SLC9A2: variants seen among roughly 807,000 people sequenced by gnomAD.
SLC9A2 encodes sodium/hydrogen exchanger 2.
Under a neutral mutation model 71.7 loss-of-function variants are expected in SLC9A2, and 42 were observed. The observed-to-expected ratio is 0.59, with a 90% confidence interval of 0.46 to 0.76. SLC9A2 has a LOEUF of 0.76. Among genes scored for constraint, SLC9A2 ranks in the 30% least tolerant of loss-of-function variants. The pLI is 0.00. For synonymous variants in SLC9A2, 396 were observed against 392.5 expected (o/e 1.01, Z -0.10); for missense variants, 829 against 1,017.4 (o/e 0.81, Z 2.52).
intron 3 of SLC9A2, among the ~76,000 whole-genome samples, chr2:102,671,240 T>C (rs1193047472): frequency 6.6e-6 from 1 of 151,776 alleles, no homozygotes; most frequent in Admixed American, 6.6e-5. Flanking sequence ...GTACGTTACA[T>C]TGCCTTGACA....
intron 1 of SLC9A2, among the ~76,000 whole-genome samples, chr2:102,652,958 T>G (rs1169592525): frequency 6.6e-6 from 1 of 152,234 alleles, no homozygotes; most frequent in African/African-American, 2.4e-5. Context: ...GCATGCACAT[T>G]TGTAATGTTT....
intron 1 of SLC9A2, among the ~76,000 whole-genome samples, chr2:102,654,000 TG>T (rs1676884512): frequency 6.6e-6 from 1 of 152,046 alleles, no homozygotes; most frequent in South Asian, 2.1e-4. Context: ...GATGAGTAGG[TG>T]GGGCCTGGGC....
intron 1 of SLC9A2, among the ~76,000 whole-genome samples, chr2:102,628,564 T>C (rs960347434): frequency 6.6e-6 from 1 of 152,112 alleles, no homozygotes; most frequent in East Asian, 1.9e-4. Flanking sequence ...TTTCCTACTT[T>C]AATTGTATTG....
chr2:102,677,706 C>T (rs1677367493), intron 3 of SLC9A2, among the ~76,000 whole-genome samples: 1 of 152,168 alleles, frequency 6.6e-6, no homozygotes, highest in Non-Finnish European at 1.5e-5. Flanking sequence ...CTATGCTAAG[C>T]ATTGGCAACA....
chr2:102,631,478 T>A (rs112894332), intron 1 of SLC9A2, among the ~76,000 whole-genome samples: 3,166 of 152,168 alleles, frequency 0.021, 118 homozygotes, highest in African/African-American at 0.072. Flanking sequence ...TGGTTCACTG[T>A]GACTTCAAAT....
chr2:102,677,485 A>T (rs1677364036), intron 3 of SLC9A2, among the ~76,000 whole-genome samples: 1 of 152,192 alleles, frequency 6.6e-6, no homozygotes, highest in Admixed American at 6.5e-5. Context: ...AAGTGGGGCA[A>T]GATAATAACA....
intron 8 of SLC9A2, among the ~76,000 whole-genome samples, chr2:102,701,832 A>C (rs1298202031): frequency 1.3e-5 from 2 of 152,230 alleles, no homozygotes; most frequent in African/African-American, 4.8e-5. Context: ...AACTGTGTCA[A>C]GTGACTCAAA....
intron 11 of SLC9A2, among the ~76,000 whole-genome samples, chr2:102,706,959 T>G (rs921761417): frequency 6.6e-6 from 1 of 152,236 alleles, no homozygotes; most frequent in Non-Finnish European, 1.5e-5. Context: ...TTCATGTTAT[T>G]AAAATGTGGG....
intron 1 of SLC9A2, among the ~76,000 whole-genome samples, chr2:102,643,525 G>A (rs1676652343): frequency 6.6e-6 from 1 of 152,180 alleles, no homozygotes; most frequent in African/African-American, 2.4e-5. Flanking sequence ...TTTCTGGGCT[G>A]CCGGCTTCTT....
intron 1 of SLC9A2, among the ~76,000 whole-genome samples, chr2:102,626,263 T>C (rs1676244661): frequency 6.6e-6 from 1 of 152,078 alleles, no homozygotes; most frequent in Non-Finnish European, 1.5e-5. Context: ...TCAGAAATAA[T>C]ACCACATATC....
chr2:102,646,357 T>C (rs563858152), intron 1 of SLC9A2, among the ~76,000 whole-genome samples: 1 of 152,066 alleles, frequency 6.6e-6, no homozygotes, highest in South Asian at 2.1e-4. Context: ...CATACCAAAA[T>C]AAAAAGACCA....
chr2:102,707,532 G>C (rs986856337), intron 11 of SLC9A2, among the ~76,000 whole-genome samples: 2 of 152,102 alleles, frequency 1.3e-5, no homozygotes, highest in African/African-American at 2.4e-5. Context: ...TCTAGCACCT[G>C]AATCTGCTTC....
chr2:102,622,485 A>G (rs914952059), intron 1 of SLC9A2, among the ~76,000 whole-genome samples: 3 of 152,160 alleles, frequency 2.0e-5, no homozygotes, highest in African/African-American at 7.2e-5. Context: ...AGCCTCTAGG[A>G]GGCACTTAAG....
At chr2:102,678,741 C>T (rs1384500610) in intron 3 of SLC9A2, among the ~76,000 whole-genome samples, 1 of 152,110 alleles carries the variant, frequency 6.6e-6, no homozygotes, top group Non-Finnish European at 1.5e-5. Flanking sequence ...CATCATTTGC[C>T]AGCTCTGTAA....
chr2:102,656,067 G>T (rs1000947923), intron 1 of SLC9A2, among the ~76,000 whole-genome samples: 2 of 152,234 alleles, frequency 1.3e-5, no homozygotes, highest in South Asian at 4.1e-4. Context: ...CAGCCAAAGC[G>T]TAGCATTCTC....
chr2:102,684,232 A>C lies in SLC9A2; in HGVS notation c.1321A>C (p.Ile441Leu). ...TGCCTATGGAGGACTTCGAGGTGCC[A>C]TCTGTTTTGCGTTAGTGTTTCTCCT... Reference protein sequence around the residue: ...IIAYGGLRGAICFALVFLLPA... With the variant: ...IIAYGGLRGALCFALVFLLPA... The change falls in exon 5 of 12, where the codon ATC becomes CTC. Residue 441 changes from isoleucine to leucine, a missense_variant. Ile to Leu is a conservative substitution (Grantham distance 5). This residue lies in a region of SLC9A2 where 500 missense variants were observed against 726.3 expected (regional missense o/e 0.69). Coordinates refer to ENST00000233969, the MANE Select transcript of SLC9A2 (RefSeq NM_003048.6). 6.2e-7 allele frequency: 1 copy of C among 1,614,122 alleles called. No individual in the cohort carries two copies. Among genetic ancestry groups the C allele is most frequent in the African/African-American group, 1.3e-5 (1 of 75,024 alleles).
chr2:102,679,605 C>A (rs1677412831), intron 3 of SLC9A2, among the ~76,000 whole-genome samples: 1 of 152,114 alleles, frequency 6.6e-6, no homozygotes, highest in African/African-American at 2.4e-5. Context: ...GTCTTGATCT[C>A]CCCACCTCGT....
intron 2 of SLC9A2, among the ~76,000 whole-genome samples, chr2:102,659,356 G>T (rs7563573): frequency 6.6e-6 from 1 of 151,724 alleles, no homozygotes; most frequent in Admixed American, 6.6e-5. Flanking sequence ...TGAGAGGATC[G>T]CTTGGGCCAG....
intron 1 of SLC9A2, among the ~76,000 whole-genome samples, chr2:102,641,313 C>T (rs972644485): frequency 1.2e-4 from 19 of 152,122 alleles, no homozygotes; most frequent in African/African-American, 4.3e-4. Context: ...TCTTTCCTCA[C>T]CTCCTTTCCA....
Sources: gnomAD v4.1 joint callset for allele counts (sites outside exome capture counted in the v4.1 genomes callset) on GRCh38, gnomAD v4.1.1 for gene constraint, gnomAD v4.1.1 regional missense constraint, MANE v1.5 for transcripts, NCBI Gene and HGNC (gene_info 2026-07-23, HGNC 2026-07-21) for gene names.